Variants in PCID2 observed in about 807,000 individuals in gnomAD.
PCID2 encodes PCI domain-containing protein 2.
Under a neutral mutation model 61.3 loss-of-function variants are expected in PCID2, and 41 were observed. The ratio of observed to expected loss-of-function variants is 0.67; its 90% CI spans 0.52 to 0.87. The LOEUF is 0.87. Among genes scored for constraint, PCID2 ranks in the 40% least tolerant of loss-of-function variants. The pLI is 0.00. For synonymous variants in PCID2, 187 were observed against 177.8 expected, an observed-to-expected ratio of 1.05 and a Z score of -0.41; for missense variants, 392 against 493.4, an observed-to-expected ratio of 0.79 and a Z score of 1.95.
At chr13:113,180,312 A>T in intron 10 of PCID2, 81 bp from the exon 11 acceptor site, 1 of 1,122,874 alleles carries the variant, frequency 8.9e-7, no homozygotes, top group Non-Finnish European at 1.3e-6. Context: ...CAAGGAATTA[A>T]GTTTTAAGAA....
intron 1 of PCID2, chr13:113,208,129 A>G (rs2040063821): frequency 6.2e-7 from 1 of 1,607,682 alleles, no homozygotes; most frequent in South Asian, 1.1e-5. Context: ...GAGGGGCACG[A>G]GCCCGGCCTG....
At chr13:113,195,556 T>C (rs543107770) in intron 5 of PCID2, among the ~76,000 whole-genome samples, 89 of 152,270 alleles carry the variant, frequency 5.8e-4, no homozygotes, top group African/African-American at 2.1e-3. Flanking sequence ...ACTGTTTTCA[T>C]GTGCAAGTTT....
At chr13:113,199,097 C>T (rs1166988654) in intron 2 of PCID2, among the ~76,000 whole-genome samples, 1 of 152,174 alleles carries the variant, frequency 6.6e-6, no homozygotes, top group Non-Finnish European at 1.5e-5. Flanking sequence ...ATTTTGCCAA[C>T]TTGACTAGCT....
chr13:113,203,620 T>C (rs1027526534), intron 1 of PCID2, among the ~76,000 whole-genome samples: 12 of 152,138 alleles, frequency 7.9e-5, no homozygotes, highest in African/African-American at 2.9e-4. Flanking sequence ...TATCTGCCCA[T>C]CCTCTGCAGG....
the PCID2 span, among the ~76,000 whole-genome samples, chr13:113,168,595 C>G: frequency 6.6e-6 from 1 of 152,206 alleles, no homozygotes; most frequent in African/African-American, 2.4e-5. Context: ...TTTTAACTTT[C>G]TAAGATTTCC....
intron 1 of PCID2, among the ~76,000 whole-genome samples, chr13:113,203,934 T>C (rs1027082215): frequency 9.2e-5 from 14 of 152,244 alleles, no homozygotes; most frequent in Non-Finnish European, 1.5e-5. Flanking sequence ...CCTTCCAAAG[T>C]GGCCCTCCCT....
At chr13:113,181,985 A>G (rs1196684044) in intron 9 of PCID2, among the ~76,000 whole-genome samples, 1 of 152,250 alleles carries the variant, frequency 6.6e-6, no homozygotes, top group African/African-American at 2.4e-5. Context: ...CAATGATTCC[A>G]CATTCTCCCT....
chr13:113,171,557 C>T, the PCID2 span: 1 of 1,613,504 alleles, frequency 6.2e-7, no homozygotes, highest in African/African-American at 1.3e-5. The surrounding 1 kb of genome is among the most constrained non-coding windows in gnomAD (Gnocchi z 5.1). Context: ...CCTTGAAAAT[C>T]AGACTGTAAA....
At chr13:113,183,731 G>T (rs181109461) in intron 9 of PCID2, 2 of 981,976 alleles carry the variant, frequency 2.0e-6, no homozygotes, top group African/African-American at 3.5e-5. Flanking sequence ...ATGATGCCGT[G>T]ACAGCCGATA....
At chr13:113,204,163 C>G (rs2039630962) in intron 1 of PCID2, among the ~76,000 whole-genome samples, 2 of 152,266 alleles carry the variant, frequency 1.3e-5, no homozygotes, top group Non-Finnish European at 2.9e-5. Flanking sequence ...TCTCGCACCA[C>G]CCAGGGCCTT....
chr13:113,202,100 G>A (rs1341513970), intron 1 of PCID2, among the ~76,000 whole-genome samples: 2 of 152,152 alleles, frequency 1.3e-5, no homozygotes, highest in Admixed American at 1.3e-4. Context: ...ATTGGTGATG[G>A]GGTAACTTGG....
chr13:113,174,835 T>A (rs2037164076), downstream of PCID2, among the ~76,000 whole-genome samples: 1 of 152,208 alleles, frequency 6.6e-6, no homozygotes, highest in South Asian at 2.1e-4. Context: ...GCAGAGATTA[T>A]TAAGTCCAAT....
In PCID2 at chr13:113,200,006, G is replaced by A. The variant is rs968701136; in HGVS notation, c.126+421C>T. Among the ~76,000 whole-genome samples, 4 of 152,140 alleles carry A rather than the reference G, an allele frequency of 2.6e-5. No individual in the cohort carries two copies. In the South Asian group the frequency reaches 6.2e-4, roughly 24 times the overall value. ...AAAATACTGCCTCAACATCATCTAC[G>A]CCACAGATGACATGGAAACTCCATG... On this transcript the variant is annotated intron_variant, in intron 2 of 13. Coordinates refer to ENST00000337344, the MANE Select transcript of PCID2 (RefSeq NM_001127202.4).
chr13:113,176,869 G>A (rs141676140), downstream of PCID2, among the ~76,000 whole-genome samples: 1,526 of 152,258 alleles, frequency 0.01, 22 homozygotes, highest in African/African-American at 0.033. Flanking sequence ...CCCAGAAGCC[G>A]ACCGTGCTGG....
intron 1 of PCID2, chr13:113,200,767 C>T (rs73581013): frequency 9.9e-6 from 3 of 302,684 alleles, no homozygotes; most frequent in South Asian, 9.1e-5. Context: ...ACTGCAGTGG[C>T]GCAATCGTAA....
At chr13:113,170,435 GAA>G in the PCID2 span, 1 of 1,605,946 alleles carries the variant, frequency 6.2e-7, no homozygotes, top group Admixed American at 1.7e-5. Flanking sequence ...AATTCCGAAG[GAA>G]AAGACTTCTG....
chr13:113,206,514 T>C (rs2039841658), intron 1 of PCID2, among the ~76,000 whole-genome samples: 1 of 152,234 alleles, frequency 6.6e-6, no homozygotes, highest in African/African-American at 2.4e-5. Flanking sequence ...GAGTCAATGA[T>C]TTCCCCCAAC....
chr13:113,183,874 T>A (rs768813658), intron 9 of PCID2: 27 of 985,454 alleles, frequency 2.7e-5, no homozygotes, highest in Non-Finnish European at 3.1e-5. Context: ...AGCGACACAC[T>A]GCACGAGGCT....
intron 6 of PCID2, among the ~76,000 whole-genome samples, chr13:113,194,357 C>T (rs1488822794): frequency 6.6e-6 from 1 of 151,958 alleles, no homozygotes; most frequent in Non-Finnish European, 1.5e-5. Flanking sequence ...GTTTCTAACG[C>T]GCCCAGTCCA....
Sources: allele counts gnomAD v4.1 joint callset (sites outside exome capture counted in the v4.1 genomes callset), GRCh38; gene constraint gnomAD v4.1.1; non-coding constraint Gnocchi (gnomAD v3.1); transcripts MANE v1.5; gene names NCBI Gene and HGNC (gene_info 2026-07-23, HGNC 2026-07-21).